The following LIMCH1 variants were observed in gnomAD, a reference collection of about 807,000 sequenced individuals.
The protein encoded by LIMCH1 is LIM and calponin homology domains 1, also known as LIM and calponin homology domains-containing protein 1.
In LIMCH1, 113 loss-of-function variants were observed where a neutral mutation model predicts 176.5. The ratio of observed to expected loss-of-function variants is 0.64; its 90% confidence interval spans 0.55 to 0.75. The LOEUF is 0.75. LIMCH1 is among the 30% of genes least tolerant of loss of function. The probability of loss-of-function intolerance (pLI) is 0.00; values close to 1 mark genes in which losing one functional copy is unlikely to be tolerated. For missense variants in LIMCH1, 1,674 were observed against 1,814.9 expected, an observed-to-expected ratio of 0.92 and a Z score of 1.41; for synonymous variants, 619 against 645.9, an observed-to-expected ratio of 0.96 and a Z score of 0.63.
At chr4:41,575,221 C>T (rs1194190538) in intron 1 of LIMCH1, among the ~76,000 whole-genome samples, 1 of 152,184 alleles carries the variant, frequency 6.6e-6, no homozygotes, top group African/African-American at 2.4e-5. Flanking sequence ...AAAAGCATCG[C>T]TGATTTTTAA....
intron 1 of LIMCH1, among the ~76,000 whole-genome samples, chr4:41,462,861 G>C (rs2065576129): frequency 6.6e-6 from 1 of 152,044 alleles, no homozygotes; most frequent in Admixed American, 6.6e-5. Context: ...TAATTGTCTG[G>C]AAATTTAAAA....
intron 1 of LIMCH1, among the ~76,000 whole-genome samples, chr4:41,448,987 A>G (rs1445468504): frequency 6.6e-6 from 1 of 152,118 alleles, no homozygotes. Context: ...ACAGTATTAC[A>G]TTATCAAACA....
Position 41,560,762 on chromosome 4 carries a change from TAG to T in LIMCH1, c.-241+22413_-241+22414del, listed in dbSNP as rs1387514164. On this transcript the variant is annotated intron_variant, in intron 1 of 31. Transcript: ENST00000503057. Reference sequence around the variant, plus strand: ...GGTCAGGCATGGTGGCATGTTCCTGTAGTCCCAGCACTTTGGGAGACCAAGGT... The same window carrying T: ...GGTCAGGCATGGTGGCATGTTCCTGTTCCCAGCACTTTGGGAGACCAAGGT... 2.6e-5 allele frequency among the ~76,000 whole-genome samples: 4 copies of T among 152,156 alleles called. No individual in the cohort carries two copies. The East Asian group carries it at 7.7e-4, about 29-fold the overall frequency.
intron 1 of LIMCH1, among the ~76,000 whole-genome samples, chr4:41,421,047 T>A (rs1282594245): frequency 6.6e-6 from 1 of 152,204 alleles, no homozygotes; most frequent in East Asian, 1.9e-4. Context: ...TTGGGGGTTG[T>A]TAGGGCCGGC....
chr4:41,460,780 C>A (rs965139064), intron 1 of LIMCH1, among the ~76,000 whole-genome samples: 2 of 151,968 alleles, frequency 1.3e-5, no homozygotes, highest in African/African-American at 4.8e-5. Flanking sequence ...TATAGAAAAG[C>A]CTTTTATTTC....
At chr4:41,611,488 A>G (rs1243279723) in intron 4 of LIMCH1, among the ~76,000 whole-genome samples, 1 of 152,242 alleles carries the variant, frequency 6.6e-6, no homozygotes, top group African/African-American at 2.4e-5. Context: ...AGTAGAGAAG[A>G]TGCTGATGGT....
chr4:41,454,949 T>G (rs1016290940), intron 1 of LIMCH1, among the ~76,000 whole-genome samples: 55 of 136,018 alleles, frequency 4.0e-4, no homozygotes, highest in African/African-American at 1.7e-3. Flanking sequence ...CATGTGTGTG[T>G]GTGTGTGTGT....
intron 1 of LIMCH1, among the ~76,000 whole-genome samples, chr4:41,456,834 G>A (rs1406706219): frequency 6.6e-6 from 1 of 152,162 alleles, no homozygotes; most frequent in Non-Finnish European, 1.5e-5. Context: ...ATGTCTGGTG[G>A]TCGATGCTAC....
At chr4:41,602,124 CAAAA>C (rs540240960) in intron 2 of LIMCH1, among the ~76,000 whole-genome samples, 5 of 73,304 alleles carry the variant, frequency 6.8e-5, no homozygotes, top group Non-Finnish European at 1.1e-4. Context: ...TTGAGTAGAC[CAAAA>C]AAAAAAAAAA....
intron 1 of LIMCH1, among the ~76,000 whole-genome samples, chr4:41,488,972 A>T (rs1331176231): frequency 6.6e-6 from 1 of 152,134 alleles, no homozygotes. Flanking sequence ...CTTTGTGAGA[A>T]GGGTATCTTT....
intron 3 of LIMCH1, among the ~76,000 whole-genome samples, chr4:41,527,762 G>A (rs1352124508): frequency 6.9e-6 from 1 of 145,258 alleles, no homozygotes; most frequent in African/African-American, 2.6e-5. Context: ...GGCGGAGCTT[G>A]CAGTGAGCCA....
At chr4:41,422,447 C>T (rs1043836585) in intron 1 of LIMCH1, among the ~76,000 whole-genome samples, 3 of 152,236 alleles carry the variant, frequency 2.0e-5, no homozygotes, top group Non-Finnish European at 4.4e-5. Context: ...CTCGGCCTCC[C>T]AAAGTGCTGG....
chr4:41,651,068 G>A (rs1238239940), intron 18 of LIMCH1, among the ~76,000 whole-genome samples: 1 of 149,368 alleles, frequency 6.7e-6, no homozygotes. Context: ...GTGTAATGGT[G>A]CGATCTTGGC....
intron 2 of LIMCH1, among the ~76,000 whole-genome samples, chr4:41,523,952 A>C (rs2076363642): frequency 6.6e-6 from 1 of 152,234 alleles, no homozygotes; most frequent in Non-Finnish European, 1.5e-5. Context: ...AAGAGCAAGT[A>C]GGGTCTGACT....
intron 1 of LIMCH1, among the ~76,000 whole-genome samples, chr4:41,595,974 T>G (rs144345742): frequency 0.037 from 5,515 of 149,744 alleles, 259 homozygotes; most frequent in African/African-American, 0.11. Flanking sequence ...CTCTTGAACC[T>G]AGGAGGTGGA....
chr4:41,650,287 G>T, intron 17 of LIMCH1, 106 bp from the exon 18 acceptor site: 2 of 780,540 alleles, frequency 2.6e-6, no homozygotes, highest in Non-Finnish European at 4.3e-6. Context: ...ATTGGACTCT[G>T]GTTATTAAAT....
intron 1 of LIMCH1, among the ~76,000 whole-genome samples, chr4:41,436,767 G>A (rs879077412): frequency 6.6e-6 from 1 of 151,812 alleles, no homozygotes. Context: ...TTTTGTCAGC[G>A]TCTGGGTATA....
chr4:41,443,792 A>G (rs150852502), intron 1 of LIMCH1, among the ~76,000 whole-genome samples: 27 of 152,324 alleles, frequency 1.8e-4, no homozygotes, highest in African/African-American at 5.8e-4. Flanking sequence ...GCTGCTGAGC[A>G]TCTGATTCCA....
At chr4:41,478,140 C>A (rs772116759) in intron 1 of LIMCH1, among the ~76,000 whole-genome samples, 20 of 152,300 alleles carry the variant, frequency 1.3e-4, no homozygotes, top group South Asian at 6.2e-4. Flanking sequence ...AAACCTATTT[C>A]ATTATAAAAT....
Sources: gnomAD v4.1 joint callset for allele counts (sites outside exome capture counted in the v4.1 genomes callset) on GRCh38, gnomAD v4.1.1 for gene constraint, MANE v1.5 for transcripts, NCBI Gene and HGNC (gene_info 2026-07-23, HGNC 2026-07-21) for gene names.